DNAH12: variants seen among roughly 807,000 people sequenced by gnomAD.
DNAH12 encodes the protein axonemal beta dynein heavy chain 12.
DNAH12 carries 285 observed loss-of-function variants against 371.5 expected under a neutral mutation model. The observed-to-expected ratio is 0.77, with a 90% confidence interval of 0.70 to 0.85. The LOEUF (loss-of-function observed/expected upper bound fraction) is 0.85. Ranked by LOEUF, DNAH12 falls within the 40% of genes least tolerant of loss-of-function variation. The pLI, the probability that DNAH12 is intolerant of heterozygous loss-of-function variation, is 0.00. For missense variants in DNAH12, 3,611 were observed against 3,689.4 expected, an observed-to-expected ratio of 0.98 and a Z score of 0.55; for synonymous variants, 1,200 against 1,213.0, an observed-to-expected ratio of 0.99 and a Z score of 0.22.
chr3:57,466,653 A>G (rs2066211403), intron 17 of DNAH12, among the ~76,000 whole-genome samples: 1 of 152,224 alleles, frequency 6.6e-6, no homozygotes, highest in African/African-American at 2.4e-5. Flanking sequence ...GAACTGTGCT[A>G]TAACTAAACA....
At chr3:57,354,363 CGGTGAGGTT>C (rs2062748305) in intron 59 of DNAH12, among the ~76,000 whole-genome samples, 1 of 151,892 alleles carries the variant, frequency 6.6e-6, no homozygotes, top group South Asian at 2.1e-4. Context: ...AGTAGGAGGA[CGGTGAGGTT>C]CAAAAAACTA....
intron 57 of DNAH12, among the ~76,000 whole-genome samples, chr3:57,364,385 C>A (rs925460035): frequency 1.3e-5 from 2 of 152,210 alleles, no homozygotes; most frequent in Admixed American, 6.5e-5. Context: ...AATTCGATTT[C>A]ATTTATTAGA....
chr3:57,452,510 C>T (rs1283063628), intron 25 of DNAH12, among the ~76,000 whole-genome samples: 1 of 152,130 alleles, frequency 6.6e-6, no homozygotes, highest in African/African-American at 2.4e-5. Context: ...GTACTTTTCT[C>T]ATCTTCCTGT....
intron 29 of DNAH12, among the ~76,000 whole-genome samples, chr3:57,443,067 C>T (rs538548441): frequency 2.0e-4 from 30 of 152,068 alleles, no homozygotes; most frequent in Non-Finnish European, 1.8e-4. Context: ...TCATTAATTG[C>T]GTTAAATTGA....
intron 59 of DNAH12, among the ~76,000 whole-genome samples, chr3:57,355,543 T>C (rs2062778914): frequency 6.6e-6 from 1 of 151,590 alleles, no homozygotes; most frequent in Non-Finnish European, 1.5e-5. Context: ...TTCTTTTGGG[T>C]ATATACCCAG....
Position 57,293,710 on chromosome 3 carries a change from A to G in DNAH12, c.*71T>C. On this transcript the variant is annotated 3_prime_UTR_variant, in exon 74 of 74. Transcript: ENST00000495027. ...ATAACACCAAAACACTTGGTTTTAT[A>G]ATGTATATATTTTAAGTAGGACAGG... is the stretch of plus-strand genomic sequence containing the variant. The G allele has an allele frequency of 4.9e-6, 7 of 1,429,292 alleles. No individual in the cohort carries two copies. The South Asian group carries it at 9.3e-5, about 19-fold the overall frequency. 88.5% of individuals were successfully genotyped at this position (1,429,292 alleles called of 1,614,324 possible). A position where few individuals can be genotyped will look rare whatever the true frequency, so the allele number is the denominator to read the frequency against.
chr3:57,399,137 T>C (rs1407450356), intron 43 of DNAH12, among the ~76,000 whole-genome samples: 3 of 152,062 alleles, frequency 2.0e-5, no homozygotes, highest in Non-Finnish European at 4.4e-5. Context: ...TTTTATGTAG[T>C]AGTAATGGTT....
rs538213001 is a variant in DNAH12 at position 57,295,812 on chromosome 3, C to A, written c.11625-220G>T. Among the ~76,000 whole-genome samples, 4 of 152,294 alleles carry A rather than the reference C, an allele frequency of 2.6e-5. No homozygotes were observed. The South Asian group carries it at 8.3e-4, about 32-fold the overall frequency. ...GTAAACAGTGGACACATATGAATGT[C>A]TGCCAATTTTTAATGATTGTCCATG... On this transcript the variant is annotated intron_variant, in intron 72 of 73. Transcript: ENST00000495027.
Position 57,323,639 on chromosome 3 carries a change from T to A in DNAH12, c.9979-20A>T, listed in dbSNP as rs542688489. On this transcript the variant is annotated intron_variant, in intron 62 of 73. Transcript: ENST00000495027. ...GGTTATCTGTTGAAGAGAAAAGATA[T>A]GATCTTTAGAGCAACTTTTATTTCA... The A allele has an allele frequency of 1.6e-4, 235 of 1,503,014 alleles. 1 individual carries two copies. The Middle Eastern group carries it at 1.9e-3, about 12-fold the overall frequency. 93.1% of individuals were successfully genotyped at this position (1,503,014 alleles called of 1,614,324 possible).
At chr3:57,539,139 T>A (rs2069170030) in intron 2 of DNAH12, among the ~76,000 whole-genome samples, 1 of 152,230 alleles carries the variant, frequency 6.6e-6, no homozygotes, top group Non-Finnish European at 1.5e-5. Context: ...CTCCCTGGTC[T>A]CTTTGTGTCC....
intron 41 of DNAH12, 151 bp downstream of exon 41, chr3:57,405,502 G>A (rs2063996083): frequency 1.1e-6 from 1 of 887,414 alleles, no homozygotes; most frequent in Non-Finnish European, 1.7e-6. Flanking sequence ...ACTTTCCTAT[G>A]AAGATAAATC....
At position 57,539,639 on chromosome 3, in the gene DNAH12, A is replaced by C. The variant is rs192354385; in HGVS notation, c.170+3062T>G. Among the ~76,000 whole-genome samples the C allele has an allele frequency of 2.7e-4, 31 of 116,872 alleles. No individual in the cohort carries two copies. In the East Asian group the frequency reaches 7.3e-3, roughly 28 times the overall value. 76.7% of individuals were successfully genotyped at this position (116,872 alleles called of 152,430 possible). ...CCTTTTTTTTTTTTTTTTGAGATGG[A>C]CTCTTGCTCTGTCACCCAGGCTGGA... On this transcript the variant is annotated intron_variant, in intron 2 of 73. Transcript: ENST00000495027.
chr3:57,389,826 A>G lies in DNAH12; in HGVS notation c.7305+2046T>C, dbSNP rs1253510141. Reference sequence around the variant, plus strand: ...TGTGTGTGTGTGTGTGTGTGTGTATATATATATATATATAATACTTTTTTT... The same window carrying G: ...TGTGTGTGTGTGTGTGTGTGTGTATGTATATATATATATAATACTTTTTTT... On this transcript the variant is annotated intron_variant, in intron 45 of 73. Coordinates refer to ENST00000495027, the MANE Select transcript of DNAH12 (RefSeq NM_001366028.2). 1.2e-3 allele frequency among the ~76,000 whole-genome samples: 109 copies of G among 91,550 alleles called. 1 individual carries two copies. The highest frequency in any genetic ancestry group is 4.6e-3 in the East Asian group (6 of 1,310). 60.1% of individuals were successfully genotyped at this position (91,550 alleles called of 152,430 possible). A position where few individuals can be genotyped will look rare whatever the true frequency, so the allele number is the denominator to read the frequency against.
chr3:57,469,876 AG>A (rs2066317596), intron 16 of DNAH12, among the ~76,000 whole-genome samples: 1 of 152,146 alleles, frequency 6.6e-6, no homozygotes, highest in Non-Finnish European at 1.5e-5. Context: ...ACTACCTATT[AG>A]GTGCTGTGCT....
chr3:57,334,236 C>T (rs1023112917), intron 62 of DNAH12, among the ~76,000 whole-genome samples: 1 of 152,156 alleles, frequency 6.6e-6, no homozygotes, highest in African/African-American at 2.4e-5. Context: ...AATATATGTG[C>T]AACTGAAATC....
chr3:57,448,095 G>A (rs998756990), intron 25 of DNAH12, among the ~76,000 whole-genome samples: 2 of 152,088 alleles, frequency 1.3e-5, no homozygotes, highest in South Asian at 2.1e-4. Flanking sequence ...TCCCTTTATT[G>A]TGAATAATAA....
chr3:57,359,969 A>G (rs1212634460), intron 58 of DNAH12, among the ~76,000 whole-genome samples: 1 of 152,230 alleles, frequency 6.6e-6, no homozygotes. Flanking sequence ...TGCAATGATC[A>G]GTGGGATCCA....
rs34135477 is a variant in DNAH12 at position 57,333,329 on chromosome 3, C to CTTTTTTTTTT, written c.9978+1126_9978+1135dup. Among the ~76,000 whole-genome samples, 272 of 111,068 alleles carry CTTTTTTTTTT rather than the reference C, an allele frequency of 2.4e-3. 26 individuals carry two copies. The highest frequency in any genetic ancestry group is 0.012 in the African/African-American group (267 of 21,902). The allele number at this position is 111,068 out of a possible 152,430, so 72.9% of individuals were successfully genotyped here. On this transcript the variant is annotated intron_variant, in intron 62 of 73. Coordinates refer to ENST00000495027, the MANE Select transcript of DNAH12 (RefSeq NM_001366028.2). ...CGGATACATGTTCTTTTTAAGGCAA[C>CTTTTTTTTTT]TTTTTTTTTTTTTTTTTTTTAGATG...
chr3:57,302,533 A>C lies in DNAH12; in HGVS notation c.11190-594T>G, dbSNP rs1433853466. Reference sequence around the variant, plus strand: ...GAATTAACTAAGGCATCAGGTGTATATATATATATATATATATATATATAT... The same window carrying C: ...GAATTAACTAAGGCATCAGGTGTATCTATATATATATATATATATATATAT... On this transcript the variant is annotated intron_variant, in intron 69 of 73. Transcript: ENST00000495027. 2.1e-3 allele frequency among the ~76,000 whole-genome samples: 51 copies of C among 24,150 alleles called. 1 individual carries two copies. Among genetic ancestry groups the C allele is most frequent in the African/African-American group, 5.3e-3 (50 of 9,368 alleles). The allele number at this position is 24,150 out of a possible 152,430, so 15.8% of individuals were successfully genotyped here.
Sources: allele counts gnomAD v4.1 joint callset (sites outside exome capture counted in the v4.1 genomes callset), GRCh38; gene constraint gnomAD v4.1.1; transcripts MANE v1.5; gene names NCBI Gene and HGNC (gene_info 2026-07-23, HGNC 2026-07-21).